ADAMTSL1: variants seen among roughly 807,000 people sequenced by gnomAD.
The protein encoded by ADAMTSL1 is ADAMTS-like protein 1.
ADAMTSL1 carries 126 observed loss-of-function variants against 201.8 expected under a neutral mutation model. The observed-to-expected ratio is 0.62, with a 90% CI of 0.54 to 0.72. The LOEUF (loss-of-function observed/expected upper bound fraction) is 0.72, where lower values mean the gene tolerates loss of function less well. ADAMTSL1 is among the 30% of genes least tolerant of loss of function. ADAMTSL1 has a pLI of 0.00. For missense variants in ADAMTSL1, 2,679 were observed against 2,277.8 expected (o/e 1.18, Z -3.59); for synonymous variants, 1,121 against 903.4 (o/e 1.24, Z -4.32).
chr9:18,180,906 C>G (rs1187223232), intron 2 of ADAMTSL1, among the ~76,000 whole-genome samples: 2 of 152,134 alleles, frequency 1.3e-5, no homozygotes, highest in Non-Finnish European at 2.9e-5. Context: ...CTACAGTAAC[C>G]AAAACAGCAT....
chr9:18,466,370 C>G (rs1821005432), intron 2 of ADAMTSL1, among the ~76,000 whole-genome samples: 1 of 152,030 alleles, frequency 6.6e-6, no homozygotes, highest in African/African-American at 2.4e-5. Flanking sequence ...TTATTTCCTT[C>G]TTGCCATACT....
At chr9:18,501,376 C>T (rs1216630583) in intron 1 of ADAMTSL1, among the ~76,000 whole-genome samples, 2 of 151,512 alleles carry the variant, frequency 1.3e-5, no homozygotes, top group Admixed American at 6.6e-5. Context: ...CCGGGCGTGC[C>T]GACAAGCACC....
At chr9:18,257,571 A>G (rs115933709) in intron 2 of ADAMTSL1, among the ~76,000 whole-genome samples, 1 of 152,216 alleles carries the variant, frequency 6.6e-6, no homozygotes, top group Admixed American at 6.5e-5. Context: ...ATCTTCGTGC[A>G]TTGCTGTTGG....
intron 3 of ADAMTSL1, 110 bp from the exon 4 acceptor site, chr9:18,573,920 G>A: frequency 2.6e-6 from 2 of 770,610 alleles, no homozygotes; most frequent in Non-Finnish European, 4.3e-6. Context: ...ATCATGACCA[G>A]GACATTTGTT....
At chr9:18,497,706 A>G (rs1822602505) in intron 1 of ADAMTSL1, among the ~76,000 whole-genome samples, 1 of 152,218 alleles carries the variant, frequency 6.6e-6, no homozygotes, top group Non-Finnish European at 1.5e-5. Flanking sequence ...TGGTCTGTCG[A>G]AAATTTCCTG....
chr9:18,655,086 G>GA (rs1216073528), intron 7 of ADAMTSL1, among the ~76,000 whole-genome samples: 1 of 152,208 alleles, frequency 6.6e-6, no homozygotes, highest in Non-Finnish European at 1.5e-5. Context: ...GAAACTTAGG[G>GA]AAAATCCCAA....
intron 2 of ADAMTSL1, among the ~76,000 whole-genome samples, chr9:18,350,578 A>G (rs1835923307): frequency 1.3e-5 from 2 of 152,236 alleles, no homozygotes; most frequent in Non-Finnish European, 2.9e-5. Context: ...TCAGAACAGA[A>G]AGGTAGGGGG....
At chr9:18,350,441 TGTACCCCAA>T (rs1456883653) in intron 2 of ADAMTSL1, among the ~76,000 whole-genome samples, 1 of 152,146 alleles carries the variant, frequency 6.6e-6, no homozygotes, top group African/African-American at 2.4e-5. Flanking sequence ...CCTTCTAGCC[TGTACCCCAA>T]GTTTGAGATA....
At chr9:18,048,855 T>G (rs1244639155) in intron 1 of ADAMTSL1, among the ~76,000 whole-genome samples, 1 of 152,160 alleles carries the variant, frequency 6.6e-6, no homozygotes, top group African/African-American at 2.4e-5. Context: ...TATGGCAAAG[T>G]ACCACAAACT....
At chr9:18,077,342 G>A (rs1823279111) in intron 1 of ADAMTSL1, among the ~76,000 whole-genome samples, 1 of 152,134 alleles carries the variant, frequency 6.6e-6, no homozygotes, top group Non-Finnish European at 1.5e-5. Flanking sequence ...GGCAAGCCCT[G>A]GACTCCTCTC....
chr9:18,615,708 T>C (rs1825661285), intron 4 of ADAMTSL1, among the ~76,000 whole-genome samples: 1 of 152,188 alleles, frequency 6.6e-6, no homozygotes, highest in Non-Finnish European at 1.5e-5. Flanking sequence ...TATGGATAAT[T>C]GTCTAAAAGG....
At chr9:18,856,460 A>ATTTTTTTTTT (rs398010404) in intron 23 of ADAMTSL1, among the ~76,000 whole-genome samples, 16 of 111,980 alleles carry the variant, frequency 1.4e-4, no homozygotes, top group East Asian at 2.8e-4. Context: ...GATAAGAAGG[A>ATTTTTTTTTT]TTTTTTTTTT....
chr9:18,706,081 G>A (rs567099881), intron 13 of ADAMTSL1, among the ~76,000 whole-genome samples: 2 of 152,268 alleles, frequency 1.3e-5, no homozygotes, highest in Admixed American at 1.3e-4. Flanking sequence ...GCTGCTGGTT[G>A]GCTATTTTTA....
chr9:18,115,363 G>T (rs1164990148), intron 1 of ADAMTSL1, among the ~76,000 whole-genome samples: 1 of 152,138 alleles, frequency 6.6e-6, no homozygotes, highest in Admixed American at 6.6e-5. Context: ...AGGCAGGCAG[G>T]GGGACCTGGC....
chr9:18,087,080 T>G (rs1823799614), intron 1 of ADAMTSL1, among the ~76,000 whole-genome samples: 1 of 152,208 alleles, frequency 6.6e-6, no homozygotes, highest in Non-Finnish European at 1.5e-5. Flanking sequence ...AATTCTTGCT[T>G]TGCTTAACTT....
At chr9:18,276,150 G>T (rs1225849952) in intron 2 of ADAMTSL1, among the ~76,000 whole-genome samples, 1 of 151,798 alleles carries the variant, frequency 6.6e-6, no homozygotes, top group Non-Finnish European at 1.5e-5. Flanking sequence ...TTTTTAATGA[G>T]TTGTTTTTTC....
At chr9:18,408,531 A>G (rs1429960133) in intron 2 of ADAMTSL1, among the ~76,000 whole-genome samples, 1 of 152,180 alleles carries the variant, frequency 6.6e-6, no homozygotes, top group African/African-American at 2.4e-5. Flanking sequence ...GCTGGTCACT[A>G]TACTGGGCCC....
At chr9:18,289,348 C>G (rs997255494) in intron 2 of ADAMTSL1, among the ~76,000 whole-genome samples, 4 of 152,160 alleles carry the variant, frequency 2.6e-5, no homozygotes, top group African/African-American at 7.2e-5. Flanking sequence ...AGTACCCTCA[C>G]AGATACCCAG....
rs746708896 is a variant in ADAMTSL1, at chr9:18,706,858, G to A, written c.1686G>A (p.Leu562=). The part of the protein sequence containing the change: ...LLSFSQSVAD[L]PIDECEGPKP... ...CTTTCTCTCAGTCCGTGGCTGACCTGCCTATTGACGAGTGTGAAGGGCCCA... is the reference window on the plus strand; with the variant it reads ...CTTTCTCTCAGTCCGTGGCTGACCTACCTATTGACGAGTGTGAAGGGCCCA... The change falls in exon 14 of 29, where the codon CTG becomes CTA. Residue 562 remains leucine, a synonymous_variant. Transcript: ENST00000380548. 1.2e-6 allele frequency: 2 copies of A among 1,613,534 alleles called. No individual in the cohort carries two copies. Among genetic ancestry groups the A allele is most frequent in the Non-Finnish European group, 1.7e-6 (2 of 1,179,630 alleles).
Sources: gnomAD v4.1 joint callset for allele counts (sites outside exome capture counted in the v4.1 genomes callset) on GRCh38, gnomAD v4.1.1 for gene constraint, MANE v1.5 for transcripts, NCBI Gene and HGNC (gene_info 2026-07-23, HGNC 2026-07-21) for gene names.